Variants in CROCC2 observed in about 807,000 individuals in gnomAD.
The protein encoded by CROCC2 is ciliary rootlet coiled-coil protein 2.
A neutral mutation model predicts 177.6 loss-of-function variants in CROCC2; 163 were observed. The observed-to-expected ratio is 0.92, with a 90% CI of 0.81 to 1.05. The LOEUF (loss-of-function observed/expected upper bound fraction) is 1.05. Ranked by LOEUF, CROCC2 falls within the 50% of genes least tolerant of loss-of-function variation. The pLI is 0.00. For missense variants in CROCC2, 1,929 were observed against 1,797.8 expected (o/e 1.07, Z -1.32); for synonymous variants, 904 against 787.3 (o/e 1.15, Z -2.48).
chr2:240,928,961 G>T (rs1250086003), intron 5 of CROCC2, among the ~76,000 whole-genome samples: 1 of 151,988 alleles, frequency 6.6e-6, no homozygotes, highest in Non-Finnish European at 1.5e-5. Context: ...CCCTCGGAGG[G>T]TGTATGGCCA....
At position 240,923,489 on chromosome 2, in the gene CROCC2, C is replaced by T. The variant is rs183566401; in HGVS notation, c.488+844C>T. ...AACCCAGCCCCCCACACTAACCCAGCCCCCACACTAACCCAGCCCCCAACA... is the reference window on the plus strand; with the variant it reads ...AACCCAGCCCCCCACACTAACCCAGTCCCCACACTAACCCAGCCCCCAACA... On this transcript the variant is annotated intron_variant, in intron 4 of 31. Coordinates refer to ENST00000690015, the MANE Select transcript of CROCC2 (RefSeq NM_001351305.2). Among the ~76,000 whole-genome samples, 33 of 32,836 alleles carry T rather than the reference C, an allele frequency of 1.0e-3. No homozygotes were observed. In the East Asian group the frequency reaches 0.012, roughly 12 times the overall value. The allele number at this position is 32,836 out of a possible 152,430, so 21.5% of individuals were successfully genotyped here. A position where few individuals can be genotyped will look rare whatever the true frequency, so the allele number is the denominator to read the frequency against.
At chr2:240,951,789 C>T (rs953982821) in intron 18 of CROCC2, among the ~76,000 whole-genome samples, 2 of 152,182 alleles carry the variant, frequency 1.3e-5, no homozygotes, top group African/African-American at 2.4e-5. Flanking sequence ...TACCTGGATC[C>T]GCCAACCAGC....
intron 18 of CROCC2, among the ~76,000 whole-genome samples, chr2:240,952,860 G>A (rs1332484247): frequency 1.3e-5 from 2 of 152,038 alleles, no homozygotes; most frequent in Non-Finnish European, 2.9e-5. Flanking sequence ...ATGCGAGAGG[G>A]GCTGAGAGCC....
rs938555466 is a variant in CROCC2, at chr2:240,953,547, C to A, written c.2830-2312C>A. On this transcript the variant is annotated intron_variant, in intron 18 of 31. Coordinates refer to ENST00000690015, the MANE Select transcript of CROCC2 (RefSeq NM_001351305.2). This position sits in a 1 kb window ranked among gnomAD's most constrained non-coding sequence, Gnocchi z 4.0. ...CAGGGGCACAGCACAGACGGGCTGG[C>A]CTGTGGGGAGCCCTTGCCGGTGCAG... is the stretch of plus-strand genomic sequence containing the variant. Among the ~76,000 whole-genome samples, 1 of 152,142 alleles carries A rather than the reference C, an allele frequency of 6.6e-6. No individual in the cohort carries two copies. Among genetic ancestry groups the A allele is most frequent in the African/African-American group, 2.4e-5 (1 of 41,444 alleles).
chr2:240,935,107 C>G, intron 13 of CROCC2, 45 bp downstream of exon 13: 9 of 1,327,142 alleles, frequency 6.8e-6, no homozygotes, highest in Non-Finnish European at 8.7e-6. Context: ...AACCTGTTTC[C>G]CAGGTGGCTG....
intron 1 of CROCC2, among the ~76,000 whole-genome samples, chr2:240,910,173 G>C (rs1005648507): frequency 6.6e-6 from 1 of 152,148 alleles, no homozygotes; most frequent in Non-Finnish European, 1.5e-5. Context: ...TGAGCAAGTC[G>C]GACTTGGGGA....
chr2:240,919,520 G>A (rs1353992240), intron 2 of CROCC2, among the ~76,000 whole-genome samples: 1 of 152,038 alleles, frequency 6.6e-6, no homozygotes, highest in Non-Finnish European at 1.5e-5. Context: ...TCGTGCATGG[G>A]TCCCAGGGAT....
intron 27 of CROCC2, among the ~76,000 whole-genome samples, chr2:240,976,208 G>A (rs572656175): frequency 7.0e-6 from 1 of 143,482 alleles, no homozygotes; most frequent in Admixed American, 6.9e-5. Context: ...TCTGGGGTAG[G>A]AGCCTCTGGA....
chr2:240,982,648 C>T lies in CROCC2; in HGVS notation c.4402-232C>T. On this transcript the variant is annotated intron_variant, in intron 27 of 31. Coordinates refer to ENST00000690015, the MANE Select transcript of CROCC2 (RefSeq NM_001351305.2). This position sits in a 1 kb window ranked among gnomAD's most constrained non-coding sequence, Gnocchi z 4.7. Reference sequence around the variant, plus strand: ...GTCTTTGCCCACGCTAGACCAGACCCCCAGGACTTTCGTCTCAGGCTTCCT... The same window carrying T: ...GTCTTTGCCCACGCTAGACCAGACCTCCAGGACTTTCGTCTCAGGCTTCCT... 2.1e-6 allele frequency: 1 copy of T among 477,902 alleles called. No homozygotes were observed. The highest frequency in any genetic ancestry group is 3.7e-6 in the Non-Finnish European group (1 of 270,178). The allele number at this position is 477,902 out of a possible 1,614,324, so 29.6% of individuals were successfully genotyped here. A position where few individuals can be genotyped will look rare whatever the true frequency, so the allele number is the denominator to read the frequency against.
In CROCC2 at chr2:240,958,753, G is replaced by A. The variant is rs2059610502; in HGVS notation, c.2944-548G>A. Reference sequence around the variant, plus strand: ...CTGCCGCAACCTGGGCAGGGGTGCAGTGGGGAGGGCCTTGAGAGGAAGCGG... The same window carrying A: ...CTGCCGCAACCTGGGCAGGGGTGCAATGGGGAGGGCCTTGAGAGGAAGCGG... On this transcript the variant is annotated intron_variant, in intron 19 of 31. Transcript: ENST00000690015. The surrounding 1 kb of genome is among the most constrained non-coding windows in gnomAD (Gnocchi z 6.7). The A allele has an allele frequency of 9.2e-6, 2 of 216,332 alleles. No homozygotes were observed. Among genetic ancestry groups the A allele is most frequent in the Non-Finnish European group, 1.6e-5 (2 of 126,692 alleles). The allele number at this position is 216,332 out of a possible 1,614,324, so 13.4% of individuals were successfully genotyped here.
At chr2:240,985,625 A>G (rs1574799909) in intron 28 of CROCC2, among the ~76,000 whole-genome samples, 4 of 102,902 alleles carry the variant, frequency 3.9e-5, no homozygotes, top group African/African-American at 1.2e-4. Flanking sequence ...CACTCACTCC[A>G]CACACACCCA....
rs2059539383 is a variant in CROCC2 at position 240,949,163 on chromosome 2, A to G, written c.2482+66A>G. The G allele has an allele frequency of 2.0e-6, 3 of 1,468,028 alleles. No individual in the cohort carries two copies. The African/African-American group carries it at 4.3e-5, about 21-fold the overall frequency. 90.9% of individuals were successfully genotyped at this position (1,468,028 alleles called of 1,614,324 possible). The stretch of plus-strand genomic sequence containing the variant: ...AGCCATGGAGGGGCCCCTGGAATGG[A>G]GCTCAGTGCCCACACGTGCTGCACC... On this transcript the variant is annotated intron_variant, in intron 16 of 31. Coordinates refer to ENST00000690015, the MANE Select transcript of CROCC2 (RefSeq NM_001351305.2). The surrounding 1 kb of genome is among the most constrained non-coding windows in gnomAD (Gnocchi z 4.5).
chr2:240,972,500 C>T lies in CROCC2; in HGVS notation c.4401+4238C>T, dbSNP rs1480329224. Among the ~76,000 whole-genome samples the T allele has an allele frequency of 2.0e-5, 3 of 152,044 alleles. No homozygotes were observed. The highest frequency in any genetic ancestry group is 2.1e-4 in the South Asian group (1 of 4,820). ...GTCCTGGTAGTACAGAGTTGCCTCCCCAACACCCCTGCAGCTCCCTCCAGC... is the reference window on the plus strand; with the variant it reads ...GTCCTGGTAGTACAGAGTTGCCTCCTCAACACCCCTGCAGCTCCCTCCAGC... On this transcript the variant is annotated intron_variant, in intron 27 of 31. Coordinates refer to ENST00000690015, the MANE Select transcript of CROCC2 (RefSeq NM_001351305.2). The surrounding 1 kb of genome is among the most constrained non-coding windows in gnomAD (Gnocchi z 7.1).
In CROCC2 at chr2:240,949,719, C is replaced by T; in HGVS notation, c.2652+17C>T. 6.5e-7 allele frequency: 1 copy of T among 1,529,760 alleles called. No individual in the cohort carries two copies. The highest frequency in any genetic ancestry group is 8.8e-7 in the Non-Finnish European group (1 of 1,133,794). The allele number at this position is 1,529,760 out of a possible 1,614,324, so 94.8% of individuals were successfully genotyped here. On this transcript the variant is annotated intron_variant, in intron 17 of 31. Transcript: ENST00000690015. The surrounding 1 kb of genome is among the most constrained non-coding windows in gnomAD (Gnocchi z 4.5). ...AGGGAGAAGGTCTGCTTCCCAGGAG[C>T]CCACCAGTAGCTTCCTAGAAGGCTA... is the stretch of plus-strand genomic sequence containing the variant.
rs2059427837 is a variant in CROCC2 at position 240,931,113 on chromosome 2, T to C, written c.932T>C (p.Val311Ala). The change falls in exon 7 of 32, where the codon GTG (valine) becomes GCG (alanine). Residue 311 changes from valine to alanine, a missense_variant. Around this residue, in one of 3 missense-constraint regions of CROCC2, gnomAD observed 1,397 missense variants for 1,239.9 expected, o/e 1.13. Coordinates refer to ENST00000690015, the MANE Select transcript of CROCC2 (RefSeq NM_001351305.2). ...QLQGRWDAEK[V>A]ALQARLSEQT... ...CAGGGCCGCTGGGACGCAGAGAAGG[T>C]GGCGCTCCAGGCCAGGTGGGCGCCC... 1.4e-6 allele frequency: 1 copy of C among 713,626 alleles called. No individual in the cohort carries two copies. Among genetic ancestry groups the C allele is most frequent in the Admixed American group, 2.0e-5 (1 of 49,882 alleles). 44.2% of individuals were successfully genotyped at this position (713,626 alleles called of 1,614,324 possible).
chr2:240,934,017 C>G (rs2059450908), intron 11 of CROCC2, among the ~76,000 whole-genome samples, 165 bp downstream of exon 11: 1 of 152,210 alleles, frequency 6.6e-6, no homozygotes, highest in Non-Finnish European at 1.5e-5. Flanking sequence ...AGGCTTCTCC[C>G]CAGGCTGCAC....
rs1559607396 is a variant in CROCC2, at chr2:240,963,587, C to G, written c.3119C>G (p.Ala1040Gly). The G allele has an allele frequency of 6.5e-7, 1 of 1,546,608 alleles. No individual in the cohort carries two copies. The highest frequency in any genetic ancestry group is 8.7e-7 in the Non-Finnish European group (1 of 1,145,498). ...AERLRAQLTV[A>G]QEGLAALRQE... ...AGGCTGCGGGCACAGCTGACCGTGG[C>G]CCAGGAGGGACTGGCCGCACTGCGC... Residue 1040 changes from alanine to glycine, a missense_variant, in exon 21 of 32, where the codon GCC (alanine) becomes GGC (glycine). By Grantham distance (60) the Ala-to-Gly change is moderately conservative (BLOSUM62 0). Around this residue, in one of 3 missense-constraint regions of CROCC2, gnomAD observed 1,397 missense variants for 1,239.9 expected, o/e 1.13. Coordinates refer to ENST00000690015, the MANE Select transcript of CROCC2 (RefSeq NM_001351305.2).
rs2059658519 is a variant in CROCC2 at position 240,963,736 on chromosome 2, C to T, written c.3268C>T (p.Arg1090Trp). 4.5e-6 allele frequency: 7 copies of T among 1,550,014 alleles called. No homozygotes were observed. Among genetic ancestry groups the T allele is most frequent in the East Asian group, 2.4e-5 (1 of 40,922 alleles). ...DVLLLFNSEL[R>W]ATICRAEQEK... ...ACTGTTGCTTTTCAACAGCGAGCTG[C>T]GGGCCACCATCTGCAGGGCCGAACA... The change falls in exon 21 of 32, where the codon CGG becomes TGG. Residue 1090 changes from arginine to tryptophan, a missense_variant. Physicochemically the swap from Arg to Trp is moderately radical, Grantham distance 101. This residue lies in a region of CROCC2 where 1,397 missense variants were observed against 1,239.9 expected (regional missense o/e 1.13). Transcript: ENST00000690015.
rs1211635695 is a variant in CROCC2 at position 240,993,066 on chromosome 2, C to T, written c.4947C>T (p.His1649=). 2.7e-5 allele frequency: 19 copies of T among 716,938 alleles called. No individual in the cohort carries two copies. The highest frequency in any genetic ancestry group is 1.2e-4 in the South Asian group (8 of 67,532). 44.4% of individuals were successfully genotyped at this position (716,938 alleles called of 1,614,324 possible). The change falls in exon 32 of 32, where the codon CAC becomes CAT. Residue 1649 remains histidine (H), a splice_region_variant and synonymous_variant. Coordinates refer to ENST00000690015, the MANE Select transcript of CROCC2 (RefSeq NM_001351305.2). ...AHLGQAFQTG[H]AQRD ...CGCCTCCCTCTTTGCATCCCTGCAG[C>T]GCCCAAAGGGACTGAAGCTCCCAGC...
Sources: allele counts gnomAD v4.1 joint callset (sites outside exome capture counted in the v4.1 genomes callset), GRCh38; gene constraint gnomAD v4.1.1; regional missense constraint gnomAD v4.1.1; non-coding constraint Gnocchi (gnomAD v3.1); transcripts MANE v1.5; gene names NCBI Gene and HGNC (gene_info 2026-07-23, HGNC 2026-07-21).